Variants in RBM34 observed in about 807,000 individuals in gnomAD.
The protein encoded by RBM34 is RNA-binding protein 34.
RBM34 carries 39 observed loss-of-function variants against 44.6 expected under a neutral mutation model. That is an observed-to-expected ratio of 0.87 (90% CI 0.68 to 1.14). The LOEUF (loss-of-function observed/expected upper bound fraction) is 1.14, where lower values mean the gene tolerates loss of function less well. Ranked by LOEUF, RBM34 falls within the 50% of genes most tolerant of loss-of-function variation. The pLI, the probability that RBM34 is intolerant of heterozygous loss-of-function variation, is 0.00. For synonymous variants in RBM34, 194 were observed against 184.0 expected (o/e 1.05, Z -0.44); for missense variants, 572 against 517.9 (o/e 1.10, Z -1.01).
chr1:235,144,771 G>T (rs890526160), intron 6 of RBM34, among the ~76,000 whole-genome samples: 2 of 152,136 alleles, frequency 1.3e-5, no homozygotes, highest in African/African-American at 4.8e-5. Flanking sequence ...GGCCCAGCGC[G>T]GTGGCTCATG....
At chr1:235,152,465 C>A (rs1454513927) in intron 5 of RBM34, 7 of 1,207,388 alleles carry the variant, frequency 5.8e-6, no homozygotes, top group Non-Finnish European at 7.3e-6. Context: ...ATCCACCCTC[C>A]AAAGTACATT....
At chr1:235,160,231 G>A (rs1463542072) in intron 3 of RBM34, 3 of 536,168 alleles carry the variant, frequency 5.6e-6, no homozygotes, top group Admixed American at 2.2e-5. Context: ...CAGCCTGGGC[G>A]TGGCATCAAG....
chr1:235,137,277 G>A (rs1661466953), intron 8 of RBM34, among the ~76,000 whole-genome samples: 2 of 152,336 alleles, frequency 1.3e-5, no homozygotes, highest in African/African-American at 4.8e-5. Context: ...ACTGTCTAAT[G>A]AATAATTGAA....
intron 3 of RBM34, among the ~76,000 whole-genome samples, chr1:235,155,852 T>TATATATAC (rs1219921041): frequency 7.1e-5 from 3 of 41,980 alleles, no homozygotes; most frequent in African/African-American, 4.0e-4. Context: ...TATATATATA[T>TATATATAC]ATATATATAT....
At chr1:235,137,772 G>T in intron 8 of RBM34, 105 bp downstream of exon 8, 1 of 837,750 alleles carries the variant, frequency 1.2e-6, no homozygotes, top group African/African-American at 1.7e-5. Context: ...TTCCTTCTGC[G>T]CTTCCCTCAC....
chr1:235,149,931 T>C (rs774562803), intron 5 of RBM34, among the ~76,000 whole-genome samples: 2 of 152,220 alleles, frequency 1.3e-5, no homozygotes, highest in Non-Finnish European at 2.9e-5. Flanking sequence ...ATTGCTAACA[T>C]AGTCAAACTC....
chr1:235,156,884 T>C (rs1662473872), intron 3 of RBM34, among the ~76,000 whole-genome samples: 1 of 152,206 alleles, frequency 6.6e-6, no homozygotes, highest in Non-Finnish European at 1.5e-5. Flanking sequence ...TAATACATGG[T>C]ATGCAAACAT....
Position 235,136,080 on chromosome 1 carries a change from CAA to C in RBM34, c.850-9_850-8del, listed in dbSNP as rs1572143038. 1 of 1,596,554 alleles carries C rather than the reference CAA, an allele frequency of 6.3e-7. No homozygotes were observed. The highest frequency in any genetic ancestry group is 8.6e-7 in the Non-Finnish European group (1 of 1,167,358). On this transcript the variant is annotated splice_region_variant and splice_polypyrimidine_tract_variant and intron_variant, in intron 8 of 10. Transcript: ENST00000408888. Reference sequence around the variant, plus strand: ...AAACCGATCTCTTGTCTCTCTGAAACAAAAAGACAGTTAATAAAAATCACTCA... The same window carrying C: ...AAACCGATCTCTTGTCTCTCTGAAACAAAGACAGTTAATAAAAATCACTCA...
intron 6 of RBM34, among the ~76,000 whole-genome samples, chr1:235,138,876 C>T (rs1414545345): frequency 6.6e-6 from 1 of 152,128 alleles, no homozygotes. Context: ...TCCCCACAGC[C>T]TGGATTTTGT....
At chr1:235,158,163 C>T (rs1662531788) in intron 3 of RBM34, among the ~76,000 whole-genome samples, 1 of 151,654 alleles carries the variant, frequency 6.6e-6, no homozygotes, top group African/African-American at 2.4e-5. Context: ...GCCTGTAATC[C>T]CAGCACTTTG....
intron 8 of RBM34, among the ~76,000 whole-genome samples, chr1:235,136,994 T>C (rs74960730): frequency 1.3e-5 from 2 of 152,098 alleles, no homozygotes; most frequent in Admixed American, 6.6e-5. Flanking sequence ...CTTTCTTTTT[T>C]CCCCCCGCTT....
rs374619059 is a variant in RBM34 at position 235,155,044 on chromosome 1, T to A, written c.434A>T (p.Asn145Ile). ...IHQKQGQKRK[N>I]SQPGVKVADR... ...TGCTACTTTAACACCAGGTTGAGAA[T>A]TTTTCCTTTTCTGCCCTTGTTTCTG... The change falls in exon 4 of 11, where the codon AAT (asparagine) becomes ATT (isoleucine). Residue 145 changes from asparagine to isoleucine, a missense_variant. By Grantham distance (149) the Asn-to-Ile change is moderately radical (BLOSUM62 -3). Coordinates refer to ENST00000408888, the MANE Select transcript of RBM34 (RefSeq NM_015014.4). 3 of 1,613,970 alleles carry A rather than the reference T, an allele frequency of 1.9e-6. No individual in the cohort carries two copies. The highest frequency in any genetic ancestry group is 2.5e-6 in the Non-Finnish European group (3 of 1,180,028).
chr1:235,158,676 T>TCCAGAA (rs1446863057), intron 3 of RBM34, among the ~76,000 whole-genome samples: 1 of 152,014 alleles, frequency 6.6e-6, no homozygotes, highest in East Asian at 1.9e-4. Flanking sequence ...GCTCCAGAAC[T>TCCAGAA]GGTACAAAGG....
At chr1:235,139,977 C>T (rs1223148212) in intron 6 of RBM34, among the ~76,000 whole-genome samples, 1 of 152,258 alleles carries the variant, frequency 6.6e-6, no homozygotes, top group Admixed American at 6.5e-5. Flanking sequence ...TGCGCCCATC[C>T]TCAGGATCTG....
chr1:235,138,161 G>C lies in RBM34; in HGVS notation c.715C>G (p.Pro239Ala), dbSNP rs760139583. The change falls in exon 7 of 11, where the codon CCT (proline) becomes GCT (alanine). Residue 239 changes from proline to alanine, a missense_variant. Pro to Ala is a conservative substitution (Grantham distance 27). Coordinates refer to ENST00000408888, the MANE Select transcript of RBM34 (RefSeq NM_015014.4). ...KLAAIKRKIH[P>A]DQKNINAYVV... ...TAGGCATTAATATTTTTCTGATCAG[G>C]ATGAATTTTACGTCTACACCAAAAA... 3.1e-6 allele frequency: 5 copies of C among 1,593,410 alleles called. No homozygotes were observed. The Admixed American group carries it at 5.4e-5, about 17-fold the overall frequency.
At chr1:235,137,488 C>A (rs1395653103) in intron 8 of RBM34, among the ~76,000 whole-genome samples, 2 of 152,132 alleles carry the variant, frequency 1.3e-5, no homozygotes, top group African/African-American at 4.8e-5. Context: ...GGTGCTCCCA[C>A]CTCAGCCTTC....
intron 3 of RBM34, among the ~76,000 whole-genome samples, chr1:235,159,342 G>A (rs1356578988): frequency 6.6e-6 from 1 of 151,934 alleles, no homozygotes; most frequent in Non-Finnish European, 1.5e-5. Flanking sequence ...ATGAGGTCAA[G>A]AGTTCGAGAC....
intron 3 of RBM34, among the ~76,000 whole-genome samples, chr1:235,157,235 G>A (rs555303202): frequency 9.9e-4 from 151 of 152,314 alleles, no homozygotes; most frequent in African/African-American, 3.4e-3. Flanking sequence ...GACCAGTAAG[G>A]AGATGGTTAC....
At chr1:235,154,437 G>A (rs111866720) in intron 4 of RBM34, among the ~76,000 whole-genome samples, 24,390 of 151,616 alleles carry the variant, frequency 0.16, 2,177 homozygotes, top group Middle Eastern at 0.23. Flanking sequence ...GGTGGCGTGC[G>A]CCTGTAGTCC....
Sources: allele counts gnomAD v4.1 joint callset (sites outside exome capture counted in the v4.1 genomes callset), GRCh38; gene constraint gnomAD v4.1.1; transcripts MANE v1.5; gene names NCBI Gene and HGNC (gene_info 2026-07-23, HGNC 2026-07-21).